The following AGBL1 variants were observed in gnomAD, a reference collection of about 807,000 sequenced individuals.
The protein encoded by AGBL1 is AGBL carboxypeptidase 1, also known as cytosolic carboxypeptidase 4.
Under a neutral mutation model 118.9 loss-of-function variants are expected in AGBL1, and 130 were observed. The observed-to-expected ratio is 1.09, with a 90% confidence interval of 0.95 to 1.26. AGBL1 has a LOEUF of 1.26. Ranked by LOEUF, AGBL1 falls within the 50% of genes most tolerant of loss-of-function variation. AGBL1 has a pLI of 0.00. For synonymous variants in AGBL1, 555 were observed against 478.9 expected (o/e 1.16, Z -2.08); for missense variants, 1,584 against 1,298.1 (o/e 1.22, Z -3.38).
intron 23 of AGBL1, among the ~76,000 whole-genome samples, chr15:86,973,010 G>C (rs1365260231): frequency 6.6e-6 from 1 of 151,836 alleles, no homozygotes; most frequent in Non-Finnish European, 1.5e-5. Flanking sequence ...AGACAAATTG[G>C]ATTTTTGCAA....
At chr15:86,241,984 G>C (rs1345372203) in intron 6 of AGBL1, among the ~76,000 whole-genome samples, 1 of 152,178 alleles carries the variant, frequency 6.6e-6, no homozygotes, top group Non-Finnish European at 1.5e-5. Flanking sequence ...AATCATGAGA[G>C]TGGGTCTTTC....
At chr15:86,131,303 T>C (rs2076815315) in intron 1 of AGBL1, among the ~76,000 whole-genome samples, 1 of 152,120 alleles carries the variant, frequency 6.6e-6, no homozygotes, top group African/African-American at 2.4e-5. Flanking sequence ...GATTCAAGAG[T>C]AGTTGACATG....
chr15:86,858,257 A>G (rs1416308288), intron 22 of AGBL1, among the ~76,000 whole-genome samples: 1 of 152,224 alleles, frequency 6.6e-6, no homozygotes, highest in African/African-American at 2.4e-5. Context: ...AAGAAGCTAG[A>G]GTGAAGAAAA....
At chr15:86,108,108 T>G (rs1897157054) in intron 1 of AGBL1, among the ~76,000 whole-genome samples, 1 of 152,210 alleles carries the variant, frequency 6.6e-6, no homozygotes, top group Non-Finnish European at 1.5e-5. Flanking sequence ...TGATCTAACT[T>G]GCAAGCCAAT....
intron 7 of AGBL1, among the ~76,000 whole-genome samples, chr15:86,252,085 C>G (rs932060001): frequency 2.6e-5 from 4 of 152,198 alleles, no homozygotes; most frequent in African/African-American, 9.6e-5. Context: ...TTCAGTTGTT[C>G]CGAGGTGAGA....
rs139075364 is a variant in AGBL1, at chr15:86,285,888, T to G, written c.2220+6105T>G. On this transcript the variant is annotated intron_variant, in intron 16 of 22. Transcript: ENST00000614907. ...ACAGTGCTCATGTGCCCTATGATACTTTTTGACTTTTTGTCTCTCATAGCT... is the reference window on the plus strand; with the variant it reads ...ACAGTGCTCATGTGCCCTATGATACGTTTTGACTTTTTGTCTCTCATAGCT... Among the ~76,000 whole-genome samples, 1,494 of 152,250 alleles carry G rather than the reference T, an allele frequency of 9.8e-3. 33 individuals carry two copies. Among genetic ancestry groups the G allele is most frequent in the African/African-American group, 0.034 (1,432 of 41,518 alleles).
At chr15:86,176,017 C>T (rs2141771026) in intron 5 of AGBL1, among the ~76,000 whole-genome samples, 1 of 152,320 alleles carries the variant, frequency 6.6e-6, no homozygotes, top group East Asian at 1.9e-4. Context: ...CAGGTGCAGT[C>T]TAAATCCAAT....
rs112616021 is a variant in AGBL1 at position 86,430,358 on chromosome 15, G to A, written c.2555+32812G>A. ...AAAATACAAAAAATTAGCTGGTCGC[G>A]GTGATAGGCACCTGTAGTACCAGCT... On this transcript the variant is annotated intron_variant, in intron 18 of 22. Coordinates refer to ENST00000614907, the MANE Select transcript of AGBL1 (RefSeq NM_001386094.1). Among the ~76,000 whole-genome samples the A allele has an allele frequency of 6.8e-3, 1,027 of 152,028 alleles. 16 individuals carry two copies. Among genetic ancestry groups the A allele is most frequent in the African/African-American group, 0.022 (902 of 41,464 alleles).
chr15:86,308,810 G>C (rs34768045), intron 17 of AGBL1, among the ~76,000 whole-genome samples: 41,918 of 152,128 alleles, frequency 0.28, 6,727 homozygotes, highest in Admixed American at 0.38. Flanking sequence ...ACCATGTGGA[G>C]TTGGTTACTA....
chr15:87,005,696 A>T (rs1224191269), intron 24 of AGBL1, among the ~76,000 whole-genome samples: 1 of 152,162 alleles, frequency 6.6e-6, no homozygotes, highest in Admixed American at 6.5e-5. Flanking sequence ...TACTTGTCAA[A>T]GTCATTCTCT....
chr15:86,397,346 T>G lies in AGBL1; in HGVS notation c.2375-20T>G. The G allele has an allele frequency of 1.4e-6, 2 of 1,457,584 alleles. No individual in the cohort carries two copies. Among genetic ancestry groups the G allele is most frequent in the Non-Finnish European group, 1.8e-6 (2 of 1,091,390 alleles). The allele number at this position is 1,457,584 out of a possible 1,614,324, so 90.3% of individuals were successfully genotyped here. A position where few individuals can be genotyped will look rare whatever the true frequency, so the allele number is the denominator to read the frequency against. ...ATATTAAAATTTGGGTTTAATTTTC[T>G]TATGTCCCTTTTTCTGCAGGACATC... On this transcript the variant is annotated intron_variant, in intron 17 of 22. Transcript: ENST00000614907.
At chr15:86,591,849 CT>C (rs2084340967) in intron 21 of AGBL1, among the ~76,000 whole-genome samples, 2 of 152,156 alleles carry the variant, frequency 1.3e-5, no homozygotes, top group African/African-American at 4.8e-5. Context: ...TCCCAACCCC[CT>C]AATTGTATCT....
chr15:86,903,684 G>A (rs893270754), intron 22 of AGBL1, among the ~76,000 whole-genome samples: 1 of 152,186 alleles, frequency 6.6e-6, no homozygotes, highest in Non-Finnish European at 1.5e-5. Context: ...TTACTGTCAG[G>A]TGTTGGGTGG....
chr15:86,790,553 A>G (rs1220141374), intron 22 of AGBL1, among the ~76,000 whole-genome samples: 4 of 152,330 alleles, frequency 2.6e-5, no homozygotes, highest in Admixed American at 6.5e-5. Flanking sequence ...CTTTTCTAGA[A>G]TACTGAGATA....
At chr15:86,655,288 C>T (rs1359452898) in intron 21 of AGBL1, among the ~76,000 whole-genome samples, 1 of 152,166 alleles carries the variant, frequency 6.6e-6, no homozygotes, top group Non-Finnish European at 1.5e-5. Context: ...TGTTCCCCAA[C>T]AATTGAAGCG....
chr15:86,119,302 T>C (rs527325619), intron 1 of AGBL1, among the ~76,000 whole-genome samples: 2 of 152,240 alleles, frequency 1.3e-5, no homozygotes, highest in South Asian at 4.1e-4. Flanking sequence ...AACCAGTGCT[T>C]AAGTGTAGGT....
intron 5 of AGBL1, among the ~76,000 whole-genome samples, chr15:86,185,045 A>G (rs548643830): frequency 6.6e-6 from 1 of 152,278 alleles, no homozygotes; most frequent in South Asian, 2.1e-4. Flanking sequence ...ATCACAAAGA[A>G]CTCAAACAAA....
intron 21 of AGBL1, among the ~76,000 whole-genome samples, chr15:86,597,164 CATCCATCCATCT>C (rs985317163): frequency 2.6e-5 from 4 of 152,054 alleles, no homozygotes; most frequent in African/African-American, 9.7e-5. Context: ...TCCATCCATC[CATCCATCCATCT>C]CTCTTATCTA....
At chr15:86,222,538 A>T (rs1186334261) in intron 5 of AGBL1, among the ~76,000 whole-genome samples, 1 of 152,066 alleles carries the variant, frequency 6.6e-6, no homozygotes, top group Non-Finnish European at 1.5e-5. Context: ...AATTTAAAAA[A>T]CCAAATGGCT....
Sources: allele counts gnomAD v4.1 joint callset (sites outside exome capture counted in the v4.1 genomes callset), GRCh38; gene constraint gnomAD v4.1.1; transcripts MANE v1.5; gene names NCBI Gene and HGNC (gene_info 2026-07-23, HGNC 2026-07-21).